SCAI: variants seen among roughly 807,000 people sequenced by gnomAD.
SCAI encodes protein SCAI.
Under a neutral mutation model 92.2 loss-of-function variants are expected in SCAI, and 24 were observed. That is an observed-to-expected ratio of 0.26 (90% confidence interval 0.19 to 0.37). The LOEUF is 0.37. Ranked by LOEUF, SCAI falls within the 10% of genes least tolerant of loss-of-function variation. The pLI, the probability that SCAI is intolerant of heterozygous loss-of-function variation, is 1.00. For missense variants in SCAI, 450 were observed against 736.2 expected, an observed-to-expected ratio of 0.61 and a Z score of 4.50; for synonymous variants, 261 against 258.6, an observed-to-expected ratio of 1.01 and a Z score of -0.09.
chr9:124,947,030 T>C lies in SCAI; in HGVS notation c.*5777A>G, dbSNP rs1244638853. On this transcript the variant is annotated 3_prime_UTR_variant, in exon 18 of 18. Coordinates refer to ENST00000336505, the MANE Select transcript of SCAI (RefSeq NM_001144877.3). ...TTAGGTTAGGCCATCCCTTAGCTAATGCCCCCTTTTCTGCCTCATAGAGAC... is the reference window on the plus strand; with the variant it reads ...TTAGGTTAGGCCATCCCTTAGCTAACGCCCCCTTTTCTGCCTCATAGAGAC... The C allele has an allele frequency of 1.3e-5, 2 of 152,138 alleles. No homozygotes were observed. The highest frequency in any genetic ancestry group is 4.8e-5 in the African/African-American group (2 of 41,440). The allele number at this position is 152,138 out of a possible 1,614,324, so 9.4% of individuals were successfully genotyped here.
intron 2 of SCAI, among the ~76,000 whole-genome samples, chr9:125,126,391 G>GC (rs1564424353): frequency 6.1e-4 from 65 of 106,646 alleles, no homozygotes; most frequent in African/African-American, 2.2e-3. Context: ...AGTGAGTTGG[G>GC]GGTGTGTGTG....
intron 3 of SCAI, among the ~76,000 whole-genome samples, chr9:125,044,033 C>T (rs1446022699): frequency 6.6e-6 from 1 of 152,164 alleles, no homozygotes; most frequent in Non-Finnish European, 1.5e-5. Flanking sequence ...CTCCTGCTCC[C>T]TGGCCTCTCC....
At chr9:125,071,418 T>TATA (rs1833977003) in intron 2 of SCAI, among the ~76,000 whole-genome samples, 1 of 152,078 alleles carries the variant, frequency 6.6e-6, no homozygotes, top group Non-Finnish European at 1.5e-5. Context: ...AGTTACATGT[T>TATA]ATAATAATAA....
Position 124,947,936 on chromosome 9 carries a change from C to A in SCAI, c.*4871G>T, listed in dbSNP as rs987212078. 2.6e-5 allele frequency: 4 copies of A among 152,152 alleles called. No homozygotes were observed. The highest frequency in any genetic ancestry group is 9.7e-5 in the African/African-American group (4 of 41,436). The allele number at this position is 152,152 out of a possible 1,614,324, so 9.4% of individuals were successfully genotyped here. On this transcript the variant is annotated 3_prime_UTR_variant, in exon 18 of 18. Coordinates refer to ENST00000336505, the MANE Select transcript of SCAI (RefSeq NM_001144877.3). Reference sequence around the variant, plus strand: ...TTGGTACCTGACTATATTTCCAGTCCAGAGTGTTCTCTGTATATCAGGCTG... The same window carrying A: ...TTGGTACCTGACTATATTTCCAGTCAAGAGTGTTCTCTGTATATCAGGCTG...
chr9:125,057,366 G>A (rs1265648755), intron 2 of SCAI, among the ~76,000 whole-genome samples: 1 of 152,138 alleles, frequency 6.6e-6, no homozygotes, highest in African/African-American at 2.4e-5. Context: ...TACACAGGAG[G>A]AGAGAAAAAC....
At chr9:125,128,248 T>TACAGCC in intron 2 of SCAI, among the ~76,000 whole-genome samples, 1 of 151,964 alleles carries the variant, frequency 6.6e-6, no homozygotes, top group African/African-American at 2.4e-5. Context: ...GCCCAGGCGT[T>TACAGCC]CAAGGTGCTG....
At chr9:125,065,731 A>G (rs1833857425) in intron 2 of SCAI, among the ~76,000 whole-genome samples, 1 of 152,256 alleles carries the variant, frequency 6.6e-6, no homozygotes, top group Admixed American at 6.5e-5. Context: ...TAAAAAGGAC[A>G]TGACAAAATT....
rs1588139077 is a variant in SCAI, at chr9:124,994,662, C to T, written c.1326+272G>A. ...TGGGTTATATAACAAAAATAAACCT[C>T]CCACCAGAGATCTTGGAAATCTTGA... On this transcript the variant is annotated intron_variant, in intron 14 of 17. Transcript: ENST00000336505. Among the ~76,000 whole-genome samples the T allele has an allele frequency of 3.9e-5, 6 of 152,118 alleles. No individual in the cohort carries two copies. In the South Asian group the frequency reaches 1.2e-3, roughly 32 times the overall value.
intron 2 of SCAI, among the ~76,000 whole-genome samples, chr9:125,058,424 AGAATCACGTGAACCCGG>A (rs1332516602): frequency 8.5e-5 from 13 of 152,202 alleles, no homozygotes; most frequent in Admixed American, 8.5e-4. Context: ...CTGAGGCAGG[AGAATCACGTGAACCCGG>A]GAGGCGGAGG....
chr9:125,003,071 G>T, intron 11 of SCAI, 43 bp downstream of exon 11: 1 of 1,239,610 alleles, frequency 8.1e-7, no homozygotes, highest in Non-Finnish European at 1.2e-6. Flanking sequence ...TTTAGTTAGG[G>T]CACACTTTCA....
chr9:125,062,877 G>C (rs1833796943), intron 2 of SCAI, among the ~76,000 whole-genome samples: 1 of 151,516 alleles, frequency 6.6e-6, no homozygotes, highest in African/African-American at 2.4e-5. Flanking sequence ...AAAATTAGCT[G>C]GGCATGGTGG....
chr9:125,048,311 A>G (rs1833488565), intron 3 of SCAI, among the ~76,000 whole-genome samples: 1 of 152,142 alleles, frequency 6.6e-6, no homozygotes. Flanking sequence ...GCATGTGATC[A>G]AGATACCTAC....
At chr9:124,984,154 C>A (rs1389785611) in intron 14 of SCAI, among the ~76,000 whole-genome samples, 4 of 152,004 alleles carry the variant, frequency 2.6e-5, no homozygotes, top group African/African-American at 9.7e-5. Context: ...GCATTCAAGG[C>A]AGAGGGAAAA....
At chr9:125,015,483 A>G (rs1832738585) in intron 9 of SCAI, among the ~76,000 whole-genome samples, 1 of 152,202 alleles carries the variant, frequency 6.6e-6, no homozygotes, top group Non-Finnish European at 1.5e-5. Context: ...CCACAATGAG[A>G]TACCATCTCA....
chr9:125,014,284 T>C (rs909554729), intron 9 of SCAI, among the ~76,000 whole-genome samples: 24 of 152,266 alleles, frequency 1.6e-4, no homozygotes, highest in African/African-American at 4.3e-4. Flanking sequence ...GAAAACCCCA[T>C]TGTCTCAGCC....
At chr9:125,082,383 G>A (rs959789847) in intron 2 of SCAI, among the ~76,000 whole-genome samples, 5 of 145,448 alleles carry the variant, frequency 3.4e-5, no homozygotes, top group East Asian at 3.9e-4. Flanking sequence ...CTGCAGGGGC[G>A]GGGCCCTCAT....
At position 125,142,635 on chromosome 9, in the gene SCAI, G is replaced by T; in HGVS notation, c.96C>A (p.Ser32Arg). ...AAAATAGGAAGGCACTGCCTTACCT[G>T]CTTCTCCGTTTTCGAGGCGGTTTCT... ...TVEKPPRKRR[S>R]RTEFALKEIM... The change falls in exon 2 of 18, where the codon AGC becomes AGA. Residue 32 changes from serine to arginine, a missense_variant and splice_region_variant. Physicochemically the swap from Ser to Arg is moderately radical, Grantham distance 110 (BLOSUM62 -1). Coordinates refer to ENST00000336505, the MANE Select transcript of SCAI (RefSeq NM_001144877.3). 6.2e-7 allele frequency: 1 copy of T among 1,613,456 alleles called. No homozygotes were observed. Among genetic ancestry groups the T allele is most frequent in the South Asian group, 1.1e-5 (1 of 91,062 alleles).
At chr9:125,094,658 C>G (rs1386816978) in intron 2 of SCAI, among the ~76,000 whole-genome samples, 1 of 152,134 alleles carries the variant, frequency 6.6e-6, no homozygotes. Context: ...CACACCACCA[C>G]GCCCAGCTAC....
intron 14 of SCAI, among the ~76,000 whole-genome samples, chr9:124,989,206 A>G (rs572724563): frequency 7.2e-5 from 11 of 152,304 alleles, no homozygotes; most frequent in African/African-American, 2.4e-4. Context: ...CTAAGAAGAA[A>G]GAGAAGATTC....
Sources: gnomAD v4.1 joint callset for allele counts (sites outside exome capture counted in the v4.1 genomes callset) on GRCh38, gnomAD v4.1.1 for gene constraint, MANE v1.5 for transcripts, NCBI Gene and HGNC (gene_info 2026-07-23, HGNC 2026-07-21) for gene names.